Variants in RGL1 observed in about 807,000 individuals in gnomAD.
RGL1 encodes the protein ral guanine nucleotide dissociation stimulator-like 1.
Under a neutral mutation model 95.2 loss-of-function variants are expected in RGL1, and 24 were observed. The observed-to-expected ratio is 0.25, with a 90% CI of 0.18 to 0.35. RGL1 has a LOEUF of 0.35. Among genes scored for constraint, RGL1 ranks in the 10% least tolerant of loss-of-function variants. The probability of loss-of-function intolerance (pLI) is 1.00; values close to 1 mark genes in which losing one functional copy is unlikely to be tolerated. For synonymous variants in RGL1, 329 were observed against 344.9 expected, an observed-to-expected ratio of 0.95 and a Z score of 0.51; for missense variants, 715 against 936.3, an observed-to-expected ratio of 0.76 and a Z score of 3.08.
chr1:183,812,794 A>G (rs1365903380), intron 2 of RGL1, among the ~76,000 whole-genome samples: 1 of 152,168 alleles, frequency 6.6e-6, no homozygotes, highest in Non-Finnish European at 1.5e-5. Context: ...ACTAGAGAGC[A>G]CAGCCTGTGG....
intron 1 of RGL1, chr1:183,648,368 C>T (rs1650469646): frequency 1.9e-6 from 3 of 1,614,058 alleles, no homozygotes; most frequent in South Asian, 1.1e-5. Flanking sequence ...GGAAATTATA[C>T]ATTTTGCTGA....
intron 2 of RGL1, among the ~76,000 whole-genome samples, chr1:183,766,602 A>G (rs1658980946): frequency 6.6e-6 from 1 of 152,194 alleles, no homozygotes; most frequent in Non-Finnish European, 1.5e-5. Context: ...ACTCCCATCT[A>G]CTTTTCCAAA....
intron 3 of RGL1, among the ~76,000 whole-genome samples, chr1:183,856,267 T>G (rs558621465): frequency 6.6e-6 from 1 of 151,986 alleles, no homozygotes; most frequent in Admixed American, 6.6e-5. Flanking sequence ...CAAAAAAACT[T>G]GGATGGGTTA....
chr1:183,852,895 C>T (rs1664912859), intron 3 of RGL1, among the ~76,000 whole-genome samples: 4 of 152,118 alleles, frequency 2.6e-5, no homozygotes, highest in African/African-American at 9.7e-5. Flanking sequence ...TAGGGAGAAA[C>T]CTACTTTAAT....
At chr1:183,866,307 AAAAC>A (rs986415867) in intron 4 of RGL1, among the ~76,000 whole-genome samples, 22 of 152,344 alleles carry the variant, frequency 1.4e-4, no homozygotes, top group African/African-American at 5.3e-4. Context: ...ACAAGTGAAG[AAAAC>A]AAACGAACAA....
At chr1:183,733,566 C>T (rs1389268611) in intron 1 of RGL1, among the ~76,000 whole-genome samples, 1 of 152,126 alleles carries the variant, frequency 6.6e-6, no homozygotes, top group East Asian at 1.9e-4. Context: ...CTGCCCTCTC[C>T]CCTGCTGGAT....
In RGL1 at chr1:183,838,387, G is replaced by A. The variant is rs575841653; in HGVS notation, c.139-9179G>A. On this transcript the variant is annotated intron_variant, in intron 2 of 17. Coordinates refer to ENST00000360851, the MANE Select transcript of RGL1 (RefSeq NM_001297671.3). ...CCCTACTGAGACAGGATGGCAAAGG[G>A]GGATGGGATTTCTGTGTGATAAAAC... is the stretch of plus-strand genomic sequence containing the variant. Among the ~76,000 whole-genome samples the A allele has an allele frequency of 5.0e-4, 76 of 152,212 alleles. No individual in the cohort carries two copies. In the South Asian group the frequency reaches 7.1e-3, roughly 14 times the overall value.
intron 1 of RGL1, among the ~76,000 whole-genome samples, chr1:183,691,895 G>T (rs1653965054): frequency 6.6e-6 from 1 of 151,960 alleles, no homozygotes; most frequent in South Asian, 2.1e-4. Context: ...ACAATTTTAT[G>T]AAAAATAGAC....
At chr1:183,642,572 G>A (rs1387372923) in intron 1 of RGL1, among the ~76,000 whole-genome samples, 2 of 152,106 alleles carry the variant, frequency 1.3e-5, no homozygotes, top group African/African-American at 2.4e-5. Context: ...GAAATGCGCT[G>A]TAAATTATGA....
At chr1:183,650,708 A>AC (rs1650680379) in intron 1 of RGL1, among the ~76,000 whole-genome samples, 2 of 144,646 alleles carry the variant, frequency 1.4e-5, no homozygotes, top group Admixed American at 1.4e-4. Context: ...AAAGAATCAG[A>AC]TTTTTTTTTT....
intron 3 of RGL1, among the ~76,000 whole-genome samples, chr1:183,857,118 G>C (rs762555139): frequency 3.3e-5 from 5 of 152,034 alleles, no homozygotes; most frequent in Admixed American, 6.6e-5. Flanking sequence ...TAATCACAAG[G>C]GTCCTTAAAA....
intron 1 of RGL1, among the ~76,000 whole-genome samples, chr1:183,640,083 C>T (rs972661922): frequency 1.3e-5 from 2 of 152,094 alleles, no homozygotes; most frequent in African/African-American, 4.8e-5. Context: ...CTTGTCTGCC[C>T]GCCTTGGGCT....
intron 2 of RGL1, among the ~76,000 whole-genome samples, chr1:183,743,366 C>G (rs1657429068): frequency 6.6e-6 from 1 of 151,456 alleles, no homozygotes; most frequent in Admixed American, 6.6e-5. Flanking sequence ...AGAGAGGTAG[C>G]AAAGCAACAA....
In RGL1 at chr1:183,922,318, G is replaced by A. The variant is rs369437464; in HGVS notation, c.2101G>A (p.Val701Ile). Residue 701 changes from valine (V) to isoleucine (I), a missense_variant, in exon 17 of 18, where the codon GTC becomes ATC. Val to Ile is a conservative substitution (Grantham distance 29). Around this residue, in one of 3 missense-constraint regions of RGL1, gnomAD observed 330 missense variants for 429.6 expected, o/e 0.77. Coordinates refer to ENST00000360851, the MANE Select transcript of RGL1 (RefSeq NM_001297671.3). Reference protein sequence around the residue: ...DPAEEYELVQVISEDKELVIP... With the variant: ...DPAEEYELVQIISEDKELVIP... ...CGCCGAGGAGTACGAGCTGGTGCAG[G>A]TCATCTCGGAGGACAAAGGTGGGCA... 21 of 1,613,692 alleles carry A rather than the reference G, an allele frequency of 1.3e-5. No homozygotes were observed. The highest frequency in any genetic ancestry group is 2.7e-5 in the African/African-American group (2 of 74,902).
intron 2 of RGL1, among the ~76,000 whole-genome samples, chr1:183,835,387 G>A (rs1663575106): frequency 6.6e-6 from 1 of 151,186 alleles, no homozygotes. Flanking sequence ...AACCTAGCAG[G>A]TAGGAAAATT....
intron 2 of RGL1, among the ~76,000 whole-genome samples, chr1:183,781,890 C>T (rs1339460397): frequency 6.6e-6 from 1 of 152,090 alleles, no homozygotes; most frequent in Admixed American, 6.6e-5. Flanking sequence ...AAAGGTTATG[C>T]CCATTTGCAC....
chr1:183,838,980 A>G (rs1417444174), intron 2 of RGL1, among the ~76,000 whole-genome samples: 2 of 152,174 alleles, frequency 1.3e-5, no homozygotes, highest in East Asian at 1.9e-4. Context: ...ATATGTTTGT[A>G]TAATTAGAGG....
intron 2 of RGL1, among the ~76,000 whole-genome samples, chr1:183,752,706 T>C (rs10752918): frequency 0.064 from 6,995 of 109,396 alleles, 607 homozygotes; most frequent in East Asian, 0.19. Flanking sequence ...CTCTCTCTCT[T>C]TCCCCTTTCC....
chr1:183,894,971 A>G (rs1667606880), intron 9 of RGL1, among the ~76,000 whole-genome samples: 1 of 152,230 alleles, frequency 6.6e-6, no homozygotes, highest in African/African-American at 2.4e-5. Context: ...CAGGTGAATT[A>G]TAGTCTGGAA....
Sources: gnomAD v4.1 joint callset for allele counts (sites outside exome capture counted in the v4.1 genomes callset) on GRCh38, gnomAD v4.1.1 for gene constraint, gnomAD v4.1.1 regional missense constraint, MANE v1.5 for transcripts, NCBI Gene and HGNC (gene_info 2026-07-23, HGNC 2026-07-21) for gene names.